LBH: variants seen among roughly 807,000 people sequenced by gnomAD.
LBH encodes the protein protein LBH.
LBH carries 7 observed loss-of-function variants against 12.5 expected under a neutral mutation model. The observed-to-expected ratio is 0.56, with a 90% CI of 0.32 to 1.05. The LOEUF (loss-of-function observed/expected upper bound fraction) is 1.05. LBH is among the 50% of genes least tolerant of loss of function. LBH has a pLI of 0.04. For missense variants in LBH, 119 were observed against 138.9 expected (o/e 0.86, Z 0.72); for synonymous variants, 51 against 50.1 (o/e 1.02, Z -0.08).
intron 2 of LBH, among the ~76,000 whole-genome samples, chr2:30,245,828 A>T (rs1343968104): frequency 2.0e-5 from 3 of 152,182 alleles, no homozygotes; most frequent in Non-Finnish European, 4.4e-5. Flanking sequence ...AGTTTAAAAA[A>T]CAAAAGCAAC....
At chr2:30,241,894 A>G (rs1558387215) in intron 2 of LBH, among the ~76,000 whole-genome samples, 1 of 152,210 alleles carries the variant, frequency 6.6e-6, no homozygotes, top group Admixed American at 6.5e-5. Flanking sequence ...CCAAGATCAC[A>G]CGTTGCATTT....
At chr2:30,240,258 T>G (rs1398922388) in intron 2 of LBH, among the ~76,000 whole-genome samples, 1 of 152,200 alleles carries the variant, frequency 6.6e-6, no homozygotes, top group Non-Finnish European at 1.5e-5. Context: ...CCAATTTTTA[T>G]AGGATCAGCA....
intron 2 of LBH, among the ~76,000 whole-genome samples, chr2:30,248,317 G>A (rs1468202737): frequency 2.6e-5 from 4 of 152,110 alleles, no homozygotes; most frequent in South Asian, 2.1e-4. Flanking sequence ...AATGGGTAGA[G>A]ACGGAATGAA....
At chr2:30,249,145 C>T (rs976069920) in intron 2 of LBH, among the ~76,000 whole-genome samples, 6 of 152,268 alleles carry the variant, frequency 3.9e-5, no homozygotes, top group African/African-American at 1.4e-4. Context: ...AGCCCTGCTG[C>T]CCCTTTGCTA....
At chr2:30,246,264 C>CTA (rs1372816238) in intron 2 of LBH, among the ~76,000 whole-genome samples, 1 of 152,150 alleles carries the variant, frequency 6.6e-6, no homozygotes, top group Non-Finnish European at 1.5e-5. Flanking sequence ...GGCCCATAGT[C>CTA]ATCTTACTGA....
At position 30,258,099 on chromosome 2, in the gene LBH, G is replaced by A. The variant is rs549092325; in HGVS notation, c.*478G>A. 14 of 155,932 alleles carry A rather than the reference G, an allele frequency of 9.0e-5. No individual in the cohort carries two copies. In the East Asian group the frequency reaches 2.5e-3, roughly 28 times the overall value. 9.7% of individuals were successfully genotyped at this position (155,932 alleles called of 1,614,324 possible). ...GAGCAGAGAACTGCAGCCAGGATGC[G>A]CTCAGCAGACATTCACTCTGGCTGC... On this transcript the variant is annotated 3_prime_UTR_variant, in exon 3 of 3. Coordinates refer to ENST00000395323, the MANE Select transcript of LBH (RefSeq NM_030915.4).
At chr2:30,231,802 G>A in intron 1 of LBH, 38 bp downstream of exon 1, 1 of 1,539,202 alleles carries the variant, frequency 6.5e-7, no homozygotes, top group Non-Finnish European at 8.7e-7. Context: ...TCTGTCTCGC[G>A]GCGGTGGCTG....
chr2:30,240,983 C>G (rs895743498), intron 2 of LBH, among the ~76,000 whole-genome samples: 3 of 152,212 alleles, frequency 2.0e-5, no homozygotes, highest in Non-Finnish European at 1.5e-5. Flanking sequence ...GGTGTCTAAG[C>G]CTGACTTTCT....
intron 2 of LBH, among the ~76,000 whole-genome samples, chr2:30,235,456 T>A (rs1677672625): frequency 6.6e-6 from 1 of 152,052 alleles, no homozygotes; most frequent in Non-Finnish European, 1.5e-5. Context: ...CGCCAAGCAC[T>A]CTACAGACGC....
intron 2 of LBH, among the ~76,000 whole-genome samples, chr2:30,254,484 A>G (rs1478138084): frequency 5.9e-5 from 9 of 152,140 alleles, no homozygotes; most frequent in African/African-American, 2.2e-4. Context: ...GAAAAATTTC[A>G]TCCATCATCA....
At chr2:30,231,966 C>T in intron 1 of LBH, among the ~76,000 whole-genome samples, 1 of 151,176 alleles carries the variant, frequency 6.6e-6, no homozygotes, top group East Asian at 2.0e-4. Flanking sequence ...AACATCCAGA[C>T]AAAGGACGTG....
intron 2 of LBH, among the ~76,000 whole-genome samples, chr2:30,243,468 A>G (rs1677822946): frequency 2.0e-5 from 3 of 151,302 alleles, no homozygotes; most frequent in South Asian, 4.2e-4. Flanking sequence ...GATCTGGCTC[A>G]TGAATAACTC....
intron 1 of LBH, 25 bp downstream of exon 1, chr2:30,231,789 G>T: frequency 6.4e-7 from 1 of 1,551,162 alleles, no homozygotes; most frequent in South Asian, 1.2e-5. Flanking sequence ...CCTGCGGCGG[G>T]CGTCTGTCTC....
At chr2:30,242,749 T>A (rs10185575) in intron 2 of LBH, among the ~76,000 whole-genome samples, 1,546 of 152,338 alleles carry the variant, frequency 0.01, 28 homozygotes, top group African/African-American at 0.035. Context: ...TATGTTCTTG[T>A]CATTTGGTTT....
Position 30,257,547 on chromosome 2 carries a change from C to T in LBH, c.244C>T (p.Pro82Ser), listed in dbSNP as rs768330639. 1.2e-6 allele frequency: 2 copies of T among 1,614,164 alleles called. No individual in the cohort carries two copies. Among genetic ancestry groups the T allele is most frequent in the Non-Finnish European group, 1.7e-6 (2 of 1,180,026 alleles). Residue 82 changes from proline to serine, a missense_variant, in exon 3 of 3, where the codon CCT (proline) becomes TCT (serine). By Grantham distance (74) the Pro-to-Ser change is moderately conservative. Transcript: ENST00000395323. ...GGAGAGCGGGGAGCTCCGGTGGCCC[C>T]CTGAGGAGTTCCTGGTCCAGGAGGA... ...EVESGELRWPPEEFLVQEDEQ... is the reference protein window; with the variant it reads ...EVESGELRWPSEEFLVQEDEQ...
chr2:30,249,576 C>A (rs13414105), intron 2 of LBH, among the ~76,000 whole-genome samples: 27,771 of 152,130 alleles, frequency 0.18, 2,845 homozygotes, highest in Admixed American at 0.27. Context: ...TTTTCATTCC[C>A]CCGGTCCTAA....
At chr2:30,246,228 G>T (rs1677867413) in intron 2 of LBH, among the ~76,000 whole-genome samples, 1 of 152,138 alleles carries the variant, frequency 6.6e-6, no homozygotes, top group South Asian at 2.1e-4. Flanking sequence ...AAAGTGCTGG[G>T]ATTATAGGCG....
chr2:30,241,620 G>A (rs762813901), intron 2 of LBH, among the ~76,000 whole-genome samples: 15 of 151,522 alleles, frequency 9.9e-5, no homozygotes, highest in African/African-American at 1.5e-4. Context: ...CCACCATGCC[G>A]GGCTAATTTT....
chr2:30,254,734 G>A (rs1384287680), intron 2 of LBH, among the ~76,000 whole-genome samples: 1 of 152,100 alleles, frequency 6.6e-6, no homozygotes, highest in African/African-American at 2.4e-5. Flanking sequence ...CTGACAATGT[G>A]GCCCTGGCAC....
Sources: gnomAD v4.1 joint callset for allele counts (sites outside exome capture counted in the v4.1 genomes callset) on GRCh38, gnomAD v4.1.1 for gene constraint, MANE v1.5 for transcripts, NCBI Gene and HGNC (gene_info 2026-07-23, HGNC 2026-07-21) for gene names.